MRFAP1L2: variants seen among roughly 807,000 people sequenced by gnomAD.
MRFAP1L2 encodes the protein MORF4 family-associated protein 1-like protein UPP.
chr4:6,674,409 A>G, the MRFAP1L2 span: 1 of 654,768 alleles, frequency 1.5e-6, no homozygotes. Context: ...GTGGAGGCAG[A>G]GGAGCGGGGC....
the MRFAP1L2 span, chr4:6,674,751 A>C: frequency 2.0e-6 from 1 of 508,212 alleles, no homozygotes; most frequent in Non-Finnish European, 3.5e-6. Context: ...AAGAGTCATG[A>C]CCACTGGAAG....
At chr4:6,675,847 C>T in the MRFAP1L2 span, 1 of 152,174 alleles carries the variant, frequency 6.6e-6, no homozygotes, top group Non-Finnish European at 1.5e-5. Context: ...ACAGTCATTC[C>T]AGGCTTAGAT....
chr4:6,674,089 T>C, the MRFAP1L2 span: 2 of 386,792 alleles, frequency 5.2e-6, no homozygotes, highest in Admixed American at 9.0e-5. Flanking sequence ...TTGGATACCG[T>C]CCTCGCTGCG....
the MRFAP1L2 span, chr4:6,674,595 G>A: frequency 1.6e-6 from 1 of 610,348 alleles, no homozygotes; most frequent in South Asian, 1.8e-5. Context: ...GCGCGGGTCT[G>A]GAGCGGAGCG....
chr4:6,674,369 C>T, the MRFAP1L2 span: 1 of 647,678 alleles, frequency 1.5e-6, no homozygotes, highest in Non-Finnish European at 2.8e-6. Context: ...GCTGGAGATC[C>T]AGAGCCTGCT....
the MRFAP1L2 span, chr4:6,674,621 C>T: frequency 1.7e-6 from 1 of 579,696 alleles, no homozygotes; most frequent in Non-Finnish European, 3.0e-6. Flanking sequence ...GGGAGTGTCC[C>T]GCGTGGAAGG....
chr4:6,674,335 G>A, the MRFAP1L2 span: 4 of 628,900 alleles, frequency 6.4e-6, no homozygotes, highest in East Asian at 1.0e-4. Flanking sequence ...GCGCCCGGGC[G>A]CACTGGCGGG....
chr4:6,674,621 C>G, the MRFAP1L2 span: 2 of 579,696 alleles, frequency 3.5e-6, no homozygotes, highest in Non-Finnish European at 3.0e-6. Context: ...GGGAGTGTCC[C>G]GCGTGGAAGG....
the MRFAP1L2 span, chr4:6,674,810 T>TAC: frequency 2.2e-6 from 1 of 456,422 alleles, no homozygotes; most frequent in Non-Finnish European, 3.9e-6. Context: ...GGGAGAGAGG[T>TAC]GTGAAGCGGA....
the MRFAP1L2 span, chr4:6,674,427 C>T: frequency 9.1e-6 from 6 of 655,904 alleles, no homozygotes; most frequent in Non-Finnish European, 1.6e-5. Context: ...GGCGCCCGGG[C>T]CCCAGCACCC....
At chr4:6,675,321 C>G in the MRFAP1L2 span, 1 of 152,174 alleles carries the variant, frequency 6.6e-6, no homozygotes, top group African/African-American at 2.4e-5. Flanking sequence ...TGGAAGTATA[C>G]TCGTGTGCTT....
At chr4:6,674,776 AG>A in the MRFAP1L2 span, 1 of 495,468 alleles carries the variant, frequency 2.0e-6, no homozygotes, top group Non-Finnish European at 3.6e-6. Context: ...TTCAGGACGT[AG>A]ACCTGGTGGG....
At chr4:6,674,884 A>G in the MRFAP1L2 span, 1 of 310,636 alleles carries the variant, frequency 3.2e-6, no homozygotes, top group East Asian at 6.0e-5. Flanking sequence ...ACCTTCCTGC[A>G]GGTGGAAGCA....
the MRFAP1L2 span, chr4:6,674,423 C>A: frequency 3.1e-6 from 2 of 653,422 alleles, no homozygotes; most frequent in Non-Finnish European, 5.5e-6. Context: ...GCGGGGCGCC[C>A]GGGCCCCAGC....
chr4:6,674,119 T>G, the MRFAP1L2 span: 1 of 382,662 alleles, frequency 2.6e-6, no homozygotes, highest in East Asian at 3.8e-5. Flanking sequence ...GGCAACCTGT[T>G]GCTAGTCTGG....
At chr4:6,674,416 G>C in the MRFAP1L2 span, 11 of 653,804 alleles carry the variant, frequency 1.7e-5, no homozygotes, top group Non-Finnish European at 2.7e-5. Context: ...CAGAGGAGCG[G>C]GGCGCCCGGG....
Sources: gnomAD v4.1 joint callset for allele counts on GRCh38, gnomAD v4.1.1 for gene constraint, MANE v1.5 for transcripts, NCBI Gene and HGNC (gene_info 2026-07-23, HGNC 2026-07-21) for gene names.